The following KALRN variants were observed in gnomAD, a reference collection of about 807,000 sequenced individuals.
KALRN encodes kalirin RhoGEF kinase.
In KALRN, 70 loss-of-function variants were observed where a neutral mutation model predicts 353.7. That is an observed-to-expected ratio of 0.20 (90% confidence interval 0.16 to 0.24). The LOEUF (loss-of-function observed/expected upper bound fraction) is 0.24, where lower values mean the gene tolerates loss of function less well. Among genes scored for constraint, KALRN ranks in the 10% least tolerant of loss-of-function variants. The pLI is 1.00. For synonymous variants in KALRN, 1,391 were observed against 1,434.8 expected, an observed-to-expected ratio of 0.97 and a Z score of 0.69; for missense variants, 2,791 against 3,756.7, an observed-to-expected ratio of 0.74 and a Z score of 6.72.
Position 124,368,063 on chromosome 3 carries a change from C to T in KALRN, c.1771-16782C>T, listed in dbSNP as rs1338105343. ...AGGGCTGACCCCCCCACCTCCCTCCCGGACGGGGCGGCTGGCCAGGCGGGG... is the reference window on the plus strand; with the variant it reads ...AGGGCTGACCCCCCCACCTCCCTCCTGGACGGGGCGGCTGGCCAGGCGGGG... On this transcript the variant is annotated intron_variant, in intron 10 of 59. Coordinates refer to ENST00000682506, the MANE Select transcript of KALRN (RefSeq NM_001388419.1). 1.1e-3 allele frequency among the ~76,000 whole-genome samples: 56 copies of T among 53,136 alleles called. 4 individuals carry two copies. Among genetic ancestry groups the T allele is most frequent in the Non-Finnish European group, 1.6e-3 (42 of 26,868 alleles). The allele number at this position is 53,136 out of a possible 152,430, so 34.9% of individuals were successfully genotyped here.
At chr3:124,655,722 C>A in intron 39 of KALRN, 55 bp downstream of exon 39, 1 of 1,315,900 alleles carries the variant, frequency 7.6e-7, no homozygotes, top group Non-Finnish European at 1.1e-6. Context: ...GCACGTTGGA[C>A]CCTACCTAGG....
intron 14 of KALRN, among the ~76,000 whole-genome samples, chr3:124,415,284 C>G (rs139127671): frequency 7.5e-4 from 115 of 152,346 alleles, no homozygotes; most frequent in Middle Eastern, 6.8e-3. Flanking sequence ...ACTTGGGCAA[C>G]AGCAAAAAGC....
rs10639598 is a variant in KALRN at position 124,466,034 on chromosome 3, C to CTGTGTGTGTGTGTGTGTGTGTG, written c.4031+3423_4031+3444dup. On this transcript the variant is annotated intron_variant, in intron 25 of 59. Coordinates refer to ENST00000682506, the MANE Select transcript of KALRN (RefSeq NM_001388419.1). ...ACCAGGATTAGTTCTCTCTCTTGCT[C>CTGTGTGTGTGTGTGTGTGTGTG]TGTGTGTGTGTGTGTGTGTGTGTGT... 2.7e-5 allele frequency among the ~76,000 whole-genome samples: 4 copies of CTGTGTGTGTGTGTGTGTGTGTG among 147,458 alleles called. No homozygotes were observed. The East Asian group carries it at 8.1e-4, about 30-fold the overall frequency.
chr3:124,283,710 A>C (rs2075564435), intron 5 of KALRN, among the ~76,000 whole-genome samples: 1 of 152,226 alleles, frequency 6.6e-6, no homozygotes, highest in Admixed American at 6.5e-5. Flanking sequence ...GAGATTTTTT[A>C]TTACATCACT....
At chr3:124,288,565 T>A (rs7623931) in intron 5 of KALRN, among the ~76,000 whole-genome samples, 69,685 of 151,938 alleles carry the variant, frequency 0.46, 17,338 homozygotes, top group Non-Finnish European at 0.56. Flanking sequence ...GTTAGGAAGA[T>A]TGGATTTTTC....
At chr3:124,434,661 G>A (rs2093401296) in intron 17 of KALRN, 136 bp downstream of exon 17, 1 of 731,546 alleles carries the variant, frequency 1.4e-6, no homozygotes, top group Non-Finnish European at 2.3e-6. Context: ...AATAGTTTGT[G>A]GAAACACCAC....
intron 6 of KALRN, among the ~76,000 whole-genome samples, chr3:124,324,338 C>T (rs1264327026): frequency 1.3e-5 from 2 of 152,164 alleles, no homozygotes; most frequent in African/African-American, 4.8e-5. Flanking sequence ...ATAAAACTGT[C>T]GAAATCAGTG....
chr3:124,599,415 A>C (rs2076582684), intron 34 of KALRN, among the ~76,000 whole-genome samples: 1 of 152,150 alleles, frequency 6.6e-6, no homozygotes, highest in African/African-American at 2.4e-5. Context: ...GAGTCTCGTC[A>C]TAATTATGTT....
At chr3:124,306,778 C>G (rs1038825880) in intron 6 of KALRN, among the ~76,000 whole-genome samples, 5 of 152,048 alleles carry the variant, frequency 3.3e-5, no homozygotes, top group African/African-American at 1.2e-4. Flanking sequence ...TACAAGGGAA[C>G]CTCAATAAGA....
chr3:124,227,687 T>C (rs899050176), intron 1 of KALRN, among the ~76,000 whole-genome samples: 64 of 104,884 alleles, frequency 6.1e-4, no homozygotes, highest in African/African-American at 1.4e-3. Context: ...TTTTTTTTTT[T>C]TTTTTTTTTT....
intron 9 of KALRN, among the ~76,000 whole-genome samples, chr3:124,343,365 A>C (rs2081966586): frequency 6.6e-6 from 1 of 152,036 alleles, no homozygotes; most frequent in South Asian, 2.1e-4. Flanking sequence ...TTGCCATGTT[A>C]CAGAGGCTTG....
chr3:124,664,809 G>A lies in KALRN; in HGVS notation c.6346-1640G>A, dbSNP rs934034423. ...TTCAGCTAACTGGGAAGAACAGTGA[G>A]CATGTGTCTATTCCCTCAGCCCATG... On this transcript the variant is annotated intron_variant, in intron 45 of 59. Coordinates refer to ENST00000682506, the MANE Select transcript of KALRN (RefSeq NM_001388419.1). Among the ~76,000 whole-genome samples the A allele has an allele frequency of 3.3e-5, 5 of 152,320 alleles. No individual in the cohort carries two copies. The South Asian group carries it at 1.0e-3, about 32-fold the overall frequency.
chr3:124,426,461 A>C (rs927490969), intron 15 of KALRN, among the ~76,000 whole-genome samples: 1 of 152,236 alleles, frequency 6.6e-6, no homozygotes, highest in Non-Finnish European at 1.5e-5. Context: ...TTAAAGGTTT[A>C]GATTTGATCA....
At chr3:124,661,128 G>A (rs2084821201) in intron 44 of KALRN, among the ~76,000 whole-genome samples, 155 bp downstream of exon 44, 1 of 152,194 alleles carries the variant, frequency 6.6e-6, no homozygotes, top group Non-Finnish European at 1.5e-5. Context: ...CCTGCTTGAG[G>A]AATGGCAAGT....
intron 33 of KALRN, among the ~76,000 whole-genome samples, chr3:124,549,429 C>T (rs180798830): frequency 7.6e-4 from 116 of 151,706 alleles, no homozygotes; most frequent in African/African-American, 2.7e-3. Flanking sequence ...ATACACGGGT[C>T]CTTCTGACTA....
chr3:124,693,578 G>A (rs561872176), intron 51 of KALRN, among the ~76,000 whole-genome samples: 1 of 152,146 alleles, frequency 6.6e-6, no homozygotes, highest in Non-Finnish European at 1.5e-5. Context: ...ACGCTGCCAG[G>A]CAGGAATGTG....
At chr3:124,247,861 G>C in intron 3 of KALRN, among the ~76,000 whole-genome samples, 1 of 151,612 alleles carries the variant, frequency 6.6e-6, no homozygotes, top group East Asian at 1.9e-4. Flanking sequence ...TTCTGTACCA[G>C]TTTGCCTCTG....
intron 1 of KALRN, among the ~76,000 whole-genome samples, chr3:124,092,203 C>G (rs2061158799): frequency 6.6e-6 from 1 of 152,136 alleles, no homozygotes; most frequent in Non-Finnish European, 1.5e-5. Context: ...AATGTTTTGC[C>G]CTTGATTACT....
intron 11 of KALRN, among the ~76,000 whole-genome samples, chr3:124,389,206 G>A (rs1412031177): frequency 6.6e-6 from 1 of 151,942 alleles, no homozygotes; most frequent in Non-Finnish European, 1.5e-5. Flanking sequence ...GTGCCAATTT[G>A]TAAAAGAATG....
Sources: gnomAD v4.1 joint callset for allele counts (sites outside exome capture counted in the v4.1 genomes callset) on GRCh38, gnomAD v4.1.1 for gene constraint, MANE v1.5 for transcripts, NCBI Gene and HGNC (gene_info 2026-07-23, HGNC 2026-07-21) for gene names.